The following SNTG1 variants were observed in gnomAD, a reference collection of about 807,000 sequenced individuals.
The protein encoded by SNTG1 is gamma-1-syntrophin.
In SNTG1, 39 loss-of-function variants were observed where a neutral mutation model predicts 74.7. The ratio of observed to expected loss-of-function variants is 0.52; its 90% confidence interval spans 0.40 to 0.68. SNTG1 has a LOEUF of 0.68. Among genes scored for constraint, SNTG1 ranks in the 30% least tolerant of loss-of-function variants. The pLI is 0.00. For synonymous variants in SNTG1, 254 were observed against 217.1 expected, an observed-to-expected ratio of 1.17 and a Z score of -1.49; for missense variants, 685 against 609.5, an observed-to-expected ratio of 1.12 and a Z score of -1.30.
chr8:50,674,071 G>T (rs188244353), intron 15 of SNTG1, among the ~76,000 whole-genome samples: 1 of 151,972 alleles, frequency 6.6e-6, no homozygotes, highest in Non-Finnish European at 1.5e-5. Context: ...TGCTGGATTC[G>T]GTTTGCCAGT....
chr8:50,205,533 G>A (rs895518453), intron 2 of SNTG1, among the ~76,000 whole-genome samples: 15 of 152,176 alleles, frequency 9.9e-5, no homozygotes, highest in East Asian at 3.9e-4. Context: ...GCCTGTTCAC[G>A]CTGATGGTAG....
chr8:50,544,196 G>A (rs925543856), intron 11 of SNTG1, among the ~76,000 whole-genome samples: 6 of 151,448 alleles, frequency 4.0e-5, no homozygotes, highest in African/African-American at 1.2e-4. Context: ...TTAAGTTATC[G>A]CCTAAGCATT....
intron 17 of SNTG1, among the ~76,000 whole-genome samples, chr8:50,725,257 A>G (rs974008637): frequency 6.6e-5 from 10 of 152,164 alleles, no homozygotes. Flanking sequence ...GCTTTTATGC[A>G]ATCAGTTATT....
chr8:49,993,464 T>C (rs1396366910), intron 1 of SNTG1, among the ~76,000 whole-genome samples: 1 of 151,756 alleles, frequency 6.6e-6, no homozygotes, highest in Non-Finnish European at 1.5e-5. Context: ...TAGGTATACA[T>C]GTGCCATGGT....
At chr8:50,746,939 G>A (rs2095556436) in intron 17 of SNTG1, among the ~76,000 whole-genome samples, 1 of 149,712 alleles carries the variant, frequency 6.7e-6, no homozygotes, top group African/African-American at 2.4e-5. Context: ...TGTAGGATGG[G>A]TTCAATGTCA....
chr8:50,401,235 C>T (rs7005672), intron 3 of SNTG1, among the ~76,000 whole-genome samples: 1 of 151,930 alleles, frequency 6.6e-6, no homozygotes, highest in African/African-American at 2.4e-5. Context: ...TTTTTGGTGC[C>T]GAATAAGAGC....
chr8:50,213,235 G>C (rs2084610322), intron 2 of SNTG1, among the ~76,000 whole-genome samples: 1 of 152,124 alleles, frequency 6.6e-6, no homozygotes, highest in African/African-American at 2.4e-5. Flanking sequence ...CTTAACATCT[G>C]AACAGGAATT....
chr8:50,659,075 A>T (rs1378393282), intron 15 of SNTG1, among the ~76,000 whole-genome samples: 1 of 152,192 alleles, frequency 6.6e-6, no homozygotes, highest in Non-Finnish European at 1.5e-5. Flanking sequence ...ATTAGAAAAT[A>T]TAGAAAATAT....
At chr8:50,198,749 G>A (rs940808385) in intron 2 of SNTG1, among the ~76,000 whole-genome samples, 38 of 152,190 alleles carry the variant, frequency 2.5e-4, no homozygotes, top group Non-Finnish European at 1.3e-4. Context: ...AGGAATCACA[G>A]TGTGTTTCCA....
intron 2 of SNTG1, among the ~76,000 whole-genome samples, chr8:50,312,666 C>A (rs1284870540): frequency 6.7e-6 from 1 of 149,766 alleles, no homozygotes; most frequent in African/African-American, 2.5e-5. Flanking sequence ...TAGGCCACCT[C>A]ATACCCATTA....
intron 8 of SNTG1, among the ~76,000 whole-genome samples, chr8:50,492,513 A>G (rs1282638274): frequency 6.6e-6 from 1 of 152,120 alleles, no homozygotes; most frequent in Non-Finnish European, 1.5e-5. Flanking sequence ...TTTTCTTCAT[A>G]TGTTTGTTGG....
chr8:50,290,688 G>T (rs997858185), intron 2 of SNTG1, among the ~76,000 whole-genome samples: 38 of 151,968 alleles, frequency 2.5e-4, no homozygotes, highest in Non-Finnish European at 1.2e-4. Flanking sequence ...ACAAAATCTA[G>T]TCAGTTATCA....
At chr8:50,704,895 T>G (rs1279551294) in intron 16 of SNTG1, 143 bp downstream of exon 16, 2 of 937,456 alleles carry the variant, frequency 2.1e-6, no homozygotes, top group African/African-American at 1.7e-5. Context: ...TAGCCATTTT[T>G]GTTTAGTGAC....
intron 1 of SNTG1, among the ~76,000 whole-genome samples, chr8:49,961,272 T>C (rs1233349608): frequency 1.3e-5 from 2 of 152,184 alleles, no homozygotes; most frequent in Non-Finnish European, 2.9e-5. Flanking sequence ...GCTACTAACA[T>C]TGATATTTTA....
chr8:50,125,861 G>A lies in SNTG1; in HGVS notation c.-102-46700G>A, dbSNP rs111897822. Among the ~76,000 whole-genome samples, 1,025 of 152,296 alleles carry A rather than the reference G, an allele frequency of 6.7e-3. 11 individuals are homozygous for A. Among genetic ancestry groups the A allele is most frequent in the Non-Finnish European group, 0.012 (791 of 68,028 alleles). ...ATGTGCCCATCATACAGTGTGCTCA[G>A]TGCTCCTCAGAGGGCATGCTAAGTG... On this transcript the variant is annotated intron_variant, in intron 1 of 18. Coordinates refer to ENST00000642720, the MANE Select transcript of SNTG1 (RefSeq NM_018967.5).
intron 11 of SNTG1, 141 bp downstream of exon 11, chr8:50,536,949 A>G (rs1047111311): frequency 3.9e-6 from 4 of 1,027,928 alleles, no homozygotes; most frequent in Non-Finnish European, 5.5e-6. Context: ...ATAATAATCT[A>G]ACAAAGTTAA....
intron 1 of SNTG1, among the ~76,000 whole-genome samples, chr8:49,916,203 AC>A (rs1806015947): frequency 6.6e-6 from 1 of 151,854 alleles, no homozygotes; most frequent in Admixed American, 6.6e-5. Flanking sequence ...ACACACACAC[AC>A]ACACAAAAAC....
At chr8:50,413,713 T>A (rs1012627076) in intron 4 of SNTG1, among the ~76,000 whole-genome samples, 8 of 152,206 alleles carry the variant, frequency 5.3e-5, no homozygotes, top group African/African-American at 1.9e-4. Context: ...GGATGTTAGA[T>A]CAGCTCCCTG....
chr8:50,676,684 C>T (rs1002746369), intron 15 of SNTG1, among the ~76,000 whole-genome samples: 2 of 151,740 alleles, frequency 1.3e-5, no homozygotes, highest in African/African-American at 4.8e-5. Context: ...GTCATTTGCA[C>T]TCCATTTTTT....
Sources: gnomAD v4.1 joint callset for allele counts (sites outside exome capture counted in the v4.1 genomes callset) on GRCh38, gnomAD v4.1.1 for gene constraint, MANE v1.5 for transcripts, NCBI Gene and HGNC (gene_info 2026-07-23, HGNC 2026-07-21) for gene names.